Variants in RCAN1 observed in about 807,000 individuals in gnomAD.
RCAN1 encodes the protein regulator of calcineurin 1, also known as calcipressin-1.
Under a neutral mutation model 22.9 loss-of-function variants are expected in RCAN1, and 11 were observed. The ratio of observed to expected loss-of-function variants is 0.48; its 90% CI spans 0.30 to 0.79. The LOEUF (loss-of-function observed/expected upper bound fraction) is 0.79. Among genes scored for constraint, RCAN1 ranks in the 30% least tolerant of loss-of-function variants. RCAN1 has a pLI of 0.06. For missense variants in RCAN1, 291 were observed against 337.8 expected, an observed-to-expected ratio of 0.86 and a Z score of 1.09; for synonymous variants, 136 against 142.3, an observed-to-expected ratio of 0.96 and a Z score of 0.32.
chr21:34,588,575 T>C (rs1310119820), intron 1 of RCAN1, among the ~76,000 whole-genome samples: 3 of 152,222 alleles, frequency 2.0e-5, no homozygotes, highest in African/African-American at 7.2e-5. Context: ...TGTTGTGCAC[T>C]ATTGATGAAA....
chr21:34,564,447 T>A (rs1175880172), intron 1 of RCAN1, among the ~76,000 whole-genome samples: 1 of 152,030 alleles, frequency 6.6e-6, no homozygotes, highest in Admixed American at 6.5e-5. Context: ...GCAGCCAGGC[T>A]GCGATTTGGG....
chr21:34,594,142 T>C (rs951449328), intron 1 of RCAN1, among the ~76,000 whole-genome samples: 1 of 152,032 alleles, frequency 6.6e-6, no homozygotes, highest in Non-Finnish European at 1.5e-5. Flanking sequence ...GAGAGCTGAA[T>C]GGGCAAAGGA....
chr21:34,539,603 T>C (rs979907209), intron 1 of RCAN1, among the ~76,000 whole-genome samples: 1 of 152,230 alleles, frequency 6.6e-6, no homozygotes, highest in Non-Finnish European at 1.5e-5. Flanking sequence ...AGATGCTATA[T>C]ATCAATGGTC....
chr21:34,531,697 A>G (rs1166851192), intron 1 of RCAN1, among the ~76,000 whole-genome samples: 2 of 151,994 alleles, frequency 1.3e-5, no homozygotes, highest in Non-Finnish European at 1.5e-5. Flanking sequence ...CTTTCTTGTC[A>G]CATATCCTGC....
At chr21:34,594,270 T>C (rs775696944) in intron 1 of RCAN1, among the ~76,000 whole-genome samples, 3 of 151,934 alleles carry the variant, frequency 2.0e-5, no homozygotes, top group South Asian at 2.1e-4. Context: ...AAAAGAAGGG[T>C]GGGCCGGGCG....
chr21:34,611,200 A>G (rs1366675263), intron 1 of RCAN1, among the ~76,000 whole-genome samples: 1 of 152,212 alleles, frequency 6.6e-6, no homozygotes. Flanking sequence ...TTACTGGTTC[A>G]AAGCATTTTG....
At position 34,531,943 on chromosome 21, in the gene RCAN1, C is replaced by T. The variant is rs144769557; in HGVS notation, c.253-8233G>A. Among the ~76,000 whole-genome samples, 406 of 152,124 alleles carry T rather than the reference C, an allele frequency of 2.7e-3. 6 individuals are homozygous for T. Among genetic ancestry groups the T allele is most frequent in the African/African-American group, 9.1e-3 (378 of 41,474 alleles). On this transcript the variant is annotated intron_variant, in intron 1 of 3. Transcript: ENST00000313806. ...TTATTCAATGATGCCTGCTGAAGCC[C>T]GACAAGGCAGACTTTATTCAGGACC...
intron 3 of RCAN1, chr21:34,521,282 C>T: frequency 6.9e-7 from 1 of 1,445,526 alleles, no homozygotes; most frequent in Middle Eastern, 1.9e-4. Flanking sequence ...GCAGGGTCCC[C>T]ACGATCAGCC....
intron 3 of RCAN1, among the ~76,000 whole-genome samples, chr21:34,519,160 C>T (rs896112169): frequency 5.3e-5 from 8 of 152,014 alleles, no homozygotes; most frequent in Admixed American, 2.0e-4. Flanking sequence ...AGTGAGTGCC[C>T]GAGGCAATGA....
At chr21:34,526,105 A>G (rs1368437714) in intron 1 of RCAN1, among the ~76,000 whole-genome samples, 3 of 152,228 alleles carry the variant, frequency 2.0e-5, no homozygotes, top group Non-Finnish European at 2.9e-5. Context: ...AGTGATTAAA[A>G]TGATTATATT....
At position 34,565,285 on chromosome 21, in the gene RCAN1, T is replaced by G. The variant is rs369397510; in HGVS notation, c.253-41575A>C. ...CTAGTAATTCACTTTTATCATATTA[T>G]GTTTATCCGTTGGCAACAGGTTGGA... is the stretch of plus-strand genomic sequence containing the variant. On this transcript the variant is annotated intron_variant, in intron 1 of 3. Transcript: ENST00000313806. Among the ~76,000 whole-genome samples the G allele has an allele frequency of 1.8e-4, 28 of 152,388 alleles. No homozygotes were observed. In the East Asian group the frequency reaches 1.9e-3, roughly 10 times the overall value.
At chr21:34,597,106 C>A (rs992638999) in intron 1 of RCAN1, among the ~76,000 whole-genome samples, 1 of 152,118 alleles carries the variant, frequency 6.6e-6, no homozygotes, top group Non-Finnish European at 1.5e-5. Context: ...GCCACCAGGG[C>A]CTTTCTAGCA....
intron 1 of RCAN1, among the ~76,000 whole-genome samples, chr21:34,526,121 C>G (rs1456868185): frequency 6.6e-6 from 1 of 152,152 alleles, no homozygotes; most frequent in Non-Finnish European, 1.5e-5. Flanking sequence ...ATATTAATCA[C>G]CATCAAAGAG....
chr21:34,601,619 T>C (rs376544884), intron 1 of RCAN1, among the ~76,000 whole-genome samples: 2,125 of 151,960 alleles, frequency 0.014, 17 homozygotes, highest in Non-Finnish European at 0.016. Flanking sequence ...GAGATCGAGA[T>C]CATCTTGGCT....
chr21:34,613,676 T>C, intron 1 of RCAN1: 1 of 1,302,624 alleles, frequency 7.7e-7, no homozygotes, highest in Non-Finnish European at 1.0e-6. Context: ...CCTGAGTTCC[T>C]GACAATTGCT....
intron 3 of RCAN1, among the ~76,000 whole-genome samples, chr21:34,519,004 T>A (rs1333497930): frequency 6.6e-6 from 1 of 152,160 alleles, no homozygotes; most frequent in Non-Finnish European, 1.5e-5. Context: ...AGAGTGTGCA[T>A]CTCTGGTGCT....
intron 1 of RCAN1, among the ~76,000 whole-genome samples, chr21:34,553,846 G>C (rs1986457232): frequency 6.6e-6 from 1 of 152,130 alleles, no homozygotes; most frequent in Non-Finnish European, 1.5e-5. Flanking sequence ...AGAGAGGTCT[G>C]AAATCGAGAA....
intron 1 of RCAN1, among the ~76,000 whole-genome samples, chr21:34,543,919 C>A (rs1322081868): frequency 6.6e-6 from 1 of 152,184 alleles, no homozygotes; most frequent in Non-Finnish European, 1.5e-5. Flanking sequence ...GCTAGCCATT[C>A]GGAGTGGTCA....
At chr21:34,569,481 T>G (rs1282401425) in intron 1 of RCAN1, among the ~76,000 whole-genome samples, 1 of 152,188 alleles carries the variant, frequency 6.6e-6, no homozygotes, top group Non-Finnish European at 1.5e-5. Flanking sequence ...TGTGTTACCA[T>G]ATCCTAGATT....
Sources: allele counts gnomAD v4.1 joint callset (sites outside exome capture counted in the v4.1 genomes callset), GRCh38; gene constraint gnomAD v4.1.1; transcripts MANE v1.5; gene names NCBI Gene and HGNC (gene_info 2026-07-23, HGNC 2026-07-21).